The following PRKAG2 variants were observed in gnomAD, a reference collection of about 807,000 sequenced individuals.
PRKAG2 encodes the protein protein kinase AMP-activated non-catalytic subunit gamma 2, also known as 5'-AMP-activated protein kinase subunit gamma-2.
PRKAG2 carries 26 observed loss-of-function variants against 69.6 expected under a neutral mutation model. The observed-to-expected ratio is 0.37, with a 90% confidence interval of 0.27 to 0.52. The LOEUF is 0.52. Ranked by LOEUF, PRKAG2 falls within the 20% of genes least tolerant of loss-of-function variation. The pLI is 0.90. For missense variants in PRKAG2, 557 were observed against 740.0 expected (o/e 0.75, Z 2.87); for synonymous variants, 293 against 285.0 (o/e 1.03, Z -0.28).
chr7:151,808,611 C>T (rs1206514906), intron 1 of PRKAG2, among the ~76,000 whole-genome samples: 2 of 152,088 alleles, frequency 1.3e-5, no homozygotes, highest in African/African-American at 4.8e-5. Context: ...TTGAGGCTAT[C>T]CGCTGACATC....
chr7:151,687,420 A>G (rs569732178), intron 3 of PRKAG2, among the ~76,000 whole-genome samples: 3 of 152,356 alleles, frequency 2.0e-5, no homozygotes, highest in South Asian at 4.1e-4. Flanking sequence ...TGGTTTCGGA[A>G]AAACAATTTG....
chr7:151,686,564 G>A (rs1834775956), intron 3 of PRKAG2, among the ~76,000 whole-genome samples: 1 of 152,148 alleles, frequency 6.6e-6, no homozygotes. Context: ...CAGCTCTCCT[G>A]AGCTCTGCTG....
intron 3 of PRKAG2, among the ~76,000 whole-genome samples, chr7:151,708,535 T>C (rs1016386848): frequency 2.6e-5 from 4 of 152,118 alleles, no homozygotes; most frequent in African/African-American, 9.7e-5. Context: ...TAACGAAGGA[T>C]TTTCAGCCAC....
rs183787330 is a variant in PRKAG2, at chr7:151,831,457, C to T, written c.115-44916G>A. ...GACGAACCTTAAAAATATTTCGTTACGTGAAAGAAGTCATAAAAGACTTCT... is the reference window on the plus strand; with the variant it reads ...GACGAACCTTAAAAATATTTCGTTATGTGAAAGAAGTCATAAAAGACTTCT... On this transcript the variant is annotated intron_variant, in intron 1 of 15. Transcript: ENST00000287878. Among the ~76,000 whole-genome samples the T allele has an allele frequency of 2.9e-3, 438 of 152,052 alleles. 3 individuals carry two copies. The highest frequency in any genetic ancestry group is 0.01 in the African/African-American group (415 of 41,478).
chr7:151,699,296 A>C lies in PRKAG2; in HGVS notation c.467-23659T>G, dbSNP rs1837264252. On this transcript the variant is annotated intron_variant, in intron 3 of 15. Transcript: ENST00000287878. The surrounding 1 kb of genome is among the most constrained non-coding windows in gnomAD (Gnocchi z 4.5). ...GAAGGTTGCCTCCCTCCCTGCGGTC[A>C]GGCTGCCTGCAGGCCTAGTCCCAGC... Among the ~76,000 whole-genome samples the C allele has an allele frequency of 6.6e-6, 1 of 152,242 alleles. No homozygotes were observed. Among genetic ancestry groups the C allele is most frequent in the African/African-American group, 2.4e-5 (1 of 41,464 alleles).
intron 1 of PRKAG2, among the ~76,000 whole-genome samples, chr7:151,868,907 GA>G (rs964216013): frequency 1.2e-4 from 18 of 152,370 alleles, no homozygotes; most frequent in African/African-American, 4.3e-4. Context: ...GTATTTGCCT[GA>G]AGGTTTTAGA....
rs990741452 is a variant in PRKAG2 at position 151,756,928 on chromosome 7, C to T, written c.466+24224G>A. ...CTGAGCTAGGGCCATCTGCAGGAGACGATTCAGACGGGGTCAGCGCTGCGA... is the reference window on the plus strand; with the variant it reads ...CTGAGCTAGGGCCATCTGCAGGAGATGATTCAGACGGGGTCAGCGCTGCGA... On this transcript the variant is annotated intron_variant, in intron 3 of 15. Transcript: ENST00000287878. This position sits in a 1 kb window ranked among gnomAD's most constrained non-coding sequence, Gnocchi z 4.9. 3.3e-5 allele frequency among the ~76,000 whole-genome samples: 5 copies of T among 152,180 alleles called. No individual in the cohort carries two copies. Among genetic ancestry groups the T allele is most frequent in the African/African-American group, 1.2e-4 (5 of 41,444 alleles).
At chr7:151,759,730 G>A (rs1038969544) in intron 3 of PRKAG2, among the ~76,000 whole-genome samples, 5 of 152,198 alleles carry the variant, frequency 3.3e-5, no homozygotes, top group Non-Finnish European at 7.3e-5. Flanking sequence ...TCACCCCCTA[G>A]TGGTCACTCT....
intron 1 of PRKAG2, 66 bp from the exon 2 acceptor site, chr7:151,786,607 C>G (rs779371977): frequency 3.0e-6 from 4 of 1,321,986 alleles, no homozygotes; most frequent in Non-Finnish European, 4.3e-6. Flanking sequence ...GCATGGAACT[C>G]TACGTGGGTG....
chr7:151,622,244 G>A (rs1275726746), intron 5 of PRKAG2, among the ~76,000 whole-genome samples: 1 of 152,192 alleles, frequency 6.6e-6, no homozygotes, highest in East Asian at 1.9e-4. Flanking sequence ...TCTGACAAAA[G>A]GCTATCCTAA....
At chr7:151,811,887 C>T (rs1331366952) in intron 1 of PRKAG2, among the ~76,000 whole-genome samples, 4 of 152,090 alleles carry the variant, frequency 2.6e-5, no homozygotes, top group Non-Finnish European at 5.9e-5. Flanking sequence ...TGGAGTTGTC[C>T]GAGGGCCCGA....
chr7:151,688,721 GGAA>G (rs1309445915), intron 3 of PRKAG2, among the ~76,000 whole-genome samples: 1 of 152,154 alleles, frequency 6.6e-6, no homozygotes, highest in African/African-American at 2.4e-5. Context: ...TAAAAACTGG[GGAA>G]GAAGTAGTTC....
At chr7:151,824,135 GA>G (rs1406153914) in intron 1 of PRKAG2, among the ~76,000 whole-genome samples, 1 of 152,182 alleles carries the variant, frequency 6.6e-6, no homozygotes, top group African/African-American at 2.4e-5. Flanking sequence ...AAAGTAAACT[GA>G]GAGGCAATTC....
chr7:151,817,961 T>C (rs2078682706), intron 1 of PRKAG2, among the ~76,000 whole-genome samples: 1 of 152,170 alleles, frequency 6.6e-6, no homozygotes. Flanking sequence ...ACTTGCATAA[T>C]TAAGAATAAG....
chr7:151,725,383 G>A (rs1419369342), intron 3 of PRKAG2, among the ~76,000 whole-genome samples: 1 of 152,020 alleles, frequency 6.6e-6, no homozygotes, highest in African/African-American at 2.4e-5. Context: ...AGGGGCTGGG[G>A]AGGAGCATGG....
At chr7:151,745,895 G>C (rs2074248439) in intron 3 of PRKAG2, among the ~76,000 whole-genome samples, 1 of 152,146 alleles carries the variant, frequency 6.6e-6, no homozygotes, top group African/African-American at 2.4e-5. Flanking sequence ...CAGTGTCCAA[G>C]AGCACACCAG....
chr7:151,841,849 G>A (rs1276817941), intron 1 of PRKAG2, among the ~76,000 whole-genome samples: 1 of 142,676 alleles, frequency 7.0e-6, no homozygotes, highest in Non-Finnish European at 1.5e-5. Flanking sequence ...AGGTAGTGAT[G>A]GGTAGTGATG....
chr7:151,783,184 G>A (rs528748160), intron 2 of PRKAG2, among the ~76,000 whole-genome samples: 1 of 152,232 alleles, frequency 6.6e-6, no homozygotes, highest in Admixed American at 6.5e-5. Context: ...GCCTCCCCGC[G>A]CGGCCTCTCC....
In PRKAG2 at chr7:151,557,080, A is replaced by C. The variant is rs373597487; in HGVS notation, c.*121T>G. 7 of 1,485,070 alleles carry C rather than the reference A, an allele frequency of 4.7e-6. No individual in the cohort carries two copies. Among genetic ancestry groups the C allele is most frequent in the East Asian group, 2.3e-5 (1 of 44,020 alleles). The allele number at this position is 1,485,070 out of a possible 1,614,324, so 92.0% of individuals were successfully genotyped here. A position where few individuals can be genotyped will look rare whatever the true frequency, so the allele number is the denominator to read the frequency against. On this transcript the variant is annotated 3_prime_UTR_variant, in exon 16 of 16. Coordinates refer to ENST00000287878, the MANE Select transcript of PRKAG2 (RefSeq NM_016203.4). ...GCTTAATTTCAACATCACTGGAAGA[A>C]ATACCTATTGTTAAACCCTGATATA...
Sources: allele counts gnomAD v4.1 joint callset (sites outside exome capture counted in the v4.1 genomes callset), GRCh38; gene constraint gnomAD v4.1.1; non-coding constraint Gnocchi (gnomAD v3.1); transcripts MANE v1.5; gene names NCBI Gene and HGNC (gene_info 2026-07-23, HGNC 2026-07-21).